The following SOS1 variants were observed in gnomAD, a reference collection of about 807,000 sequenced individuals.
SOS1 encodes the protein SOS Ras/Rac guanine nucleotide exchange factor 1.
Under a neutral mutation model 157.6 loss-of-function variants are expected in SOS1, and 25 were observed. The observed-to-expected ratio is 0.16, with a 90% CI of 0.12 to 0.22. SOS1 has a LOEUF of 0.22. SOS1 is among the 10% of genes least tolerant of loss of function. SOS1 has a pLI of 1.00. For synonymous variants in SOS1, 528 were observed against 534.0 expected (o/e 0.99, Z 0.16); for missense variants, 1,237 against 1,599.1 (o/e 0.77, Z 3.86).
intron 1 of SOS1, among the ~76,000 whole-genome samples, chr2:39,106,175 G>A (rs1304120422): frequency 1.7e-5 from 2 of 115,150 alleles, no homozygotes; most frequent in Non-Finnish European, 3.6e-5. Flanking sequence ...AGCTGAGACT[G>A]TGCTACTGTA....
At chr2:39,050,262 T>C (rs891996022) in intron 6 of SOS1, among the ~76,000 whole-genome samples, 12 of 152,186 alleles carry the variant, frequency 7.9e-5, no homozygotes, top group African/African-American at 2.4e-4. Context: ...GCTAACTTAT[T>C]AGGACTGACT....
intron 1 of SOS1, among the ~76,000 whole-genome samples, chr2:39,085,304 T>TC (rs1322100373): frequency 6.6e-6 from 1 of 152,212 alleles, no homozygotes; most frequent in Non-Finnish European, 1.5e-5. Context: ...TGCCTTGGCC[T>TC]CCCAAAGTAT....
intron 1 of SOS1, among the ~76,000 whole-genome samples, chr2:39,083,410 C>A (rs1361968833): frequency 1.3e-5 from 2 of 152,054 alleles, no homozygotes; most frequent in African/African-American, 4.8e-5. Context: ...AAACCAGTCT[C>A]CAGGAGCTTC....
intron 4 of SOS1, among the ~76,000 whole-genome samples, chr2:39,055,516 C>T (rs1405370946): frequency 1.3e-5 from 2 of 152,116 alleles, no homozygotes; most frequent in Non-Finnish European, 2.9e-5. Context: ...CATTAAAAAG[C>T]ATCAAGTATT....
intron 14 of SOS1, among the ~76,000 whole-genome samples, chr2:39,011,355 C>T (rs1282008323): frequency 6.6e-6 from 1 of 151,882 alleles, no homozygotes; most frequent in Non-Finnish European, 1.5e-5. Flanking sequence ...ACAAAGTAGA[C>T]ATTTAAGTAA....
intron 1 of SOS1, among the ~76,000 whole-genome samples, chr2:39,095,329 T>G (rs1672733470): frequency 6.6e-6 from 1 of 152,118 alleles, no homozygotes; most frequent in Non-Finnish European, 1.5e-5. Context: ...GAGAAACTAC[T>G]TGAGGACTGG....
intron 1 of SOS1, among the ~76,000 whole-genome samples, chr2:39,068,549 T>C (rs1457599614): frequency 1.3e-5 from 2 of 152,220 alleles, no homozygotes; most frequent in African/African-American, 2.4e-5. Context: ...CAGGCACGCA[T>C]ATTACAAGCT....
intron 1 of SOS1, among the ~76,000 whole-genome samples, chr2:39,073,624 G>C (rs1391313402): frequency 6.6e-6 from 1 of 152,176 alleles, no homozygotes; most frequent in Non-Finnish European, 1.5e-5. Context: ...AGTTCCAGCA[G>C]ATTCTGAAGC....
chr2:39,000,889 G>A (rs1306600692), intron 17 of SOS1, among the ~76,000 whole-genome samples: 1 of 152,210 alleles, frequency 6.6e-6, no homozygotes, highest in Non-Finnish European at 1.5e-5. Context: ...GCCAGGATAT[G>A]AGAATCAATT....
chr2:39,033,180 C>T (rs1312755728), intron 8 of SOS1, among the ~76,000 whole-genome samples: 6 of 145,730 alleles, frequency 4.1e-5, no homozygotes, highest in African/African-American at 1.5e-4. Context: ...AGGTGATTCT[C>T]CTGCCTCAGC....
chr2:39,003,065 T>TAAAAA (rs1558463752), intron 17 of SOS1, among the ~76,000 whole-genome samples: 1 of 13,110 alleles, frequency 7.6e-5, no homozygotes. Context: ...AGACCTTGTA[T>TAAAAA]CAAAAAAAAA....
intron 1 of SOS1, among the ~76,000 whole-genome samples, chr2:39,084,036 G>C (rs1672293016): frequency 6.6e-6 from 1 of 152,082 alleles, no homozygotes; most frequent in Non-Finnish European, 1.5e-5. Context: ...GAACACAGAA[G>C]ACAGACCACG....
At chr2:39,102,827 C>T (rs182425250) in intron 1 of SOS1, among the ~76,000 whole-genome samples, 1 of 152,030 alleles carries the variant, frequency 6.6e-6, no homozygotes, top group Non-Finnish European at 1.5e-5. Flanking sequence ...TGGTGGCATG[C>T]ACCTGTAGTC....
intron 21 of SOS1, 103 bp downstream of exon 21, chr2:38,989,167 C>A: frequency 1.3e-6 from 1 of 777,028 alleles, no homozygotes. Context: ...AGCAAGGTAC[C>A]AATGCTGCCA....
chr2:39,062,221 C>G (rs1411874665), intron 2 of SOS1, among the ~76,000 whole-genome samples: 29 of 151,626 alleles, frequency 1.9e-4, no homozygotes, highest in Non-Finnish European at 1.5e-4. Flanking sequence ...AGTTCAAGAC[C>G]AGCCTGGCCA....
intron 1 of SOS1, among the ~76,000 whole-genome samples, chr2:39,103,579 G>A (rs999323100): frequency 3.3e-5 from 5 of 152,132 alleles, no homozygotes; most frequent in African/African-American, 1.2e-4. Flanking sequence ...TGGGACAACT[G>A]GATTTCCACA....
chr2:39,066,127 G>A (rs1671580548), intron 2 of SOS1, among the ~76,000 whole-genome samples: 1 of 152,100 alleles, frequency 6.6e-6, no homozygotes, highest in Admixed American at 6.5e-5. Context: ...GGTTGCTAGA[G>A]ATTACTTCCT....
intron 2 of SOS1, among the ~76,000 whole-genome samples, chr2:39,061,450 CA>C (rs1671401802): frequency 6.6e-6 from 1 of 152,076 alleles, no homozygotes; most frequent in African/African-American, 2.4e-5. Flanking sequence ...TGCAATGATG[CA>C]ATCATAGCTC....
At chr2:39,118,937 C>T (rs886374584) in intron 1 of SOS1, among the ~76,000 whole-genome samples, 2 of 152,182 alleles carry the variant, frequency 1.3e-5, no homozygotes, top group African/African-American at 2.4e-5. Context: ...TGGTGATTCC[C>T]CTGGGAAAGG....
Sources: allele counts gnomAD v4.1 joint callset (sites outside exome capture counted in the v4.1 genomes callset), GRCh38; gene constraint gnomAD v4.1.1; transcripts MANE v1.5; gene names NCBI Gene and HGNC (gene_info 2026-07-23, HGNC 2026-07-21).